ATG5: variants seen among roughly 807,000 people sequenced by gnomAD.
ATG5 encodes autophagy protein 5.
Under a neutral mutation model 36.5 loss-of-function variants are expected in ATG5, and 14 were observed. The observed-to-expected ratio is 0.38, with a 90% CI of 0.25 to 0.60. The LOEUF is 0.60. ATG5 is among the 20% of genes least tolerant of loss of function. The pLI is 0.60. For synonymous variants in ATG5, 95 were observed against 101.5 expected, an observed-to-expected ratio of 0.94 and a Z score of 0.38; for missense variants, 195 against 326.7, an observed-to-expected ratio of 0.60 and a Z score of 3.11.
chr6:106,238,518 G>A (rs62422879), intron 6 of ATG5, among the ~76,000 whole-genome samples: 3,230 of 152,280 alleles, frequency 0.021, 57 homozygotes, highest in Non-Finnish European at 0.03. Context: ...GCTCTCCTGA[G>A]CTAAGCAGCT....
At chr6:106,233,221 A>G (rs1211480077) in intron 6 of ATG5, among the ~76,000 whole-genome samples, 1 of 152,210 alleles carries the variant, frequency 6.6e-6, no homozygotes, top group Non-Finnish European at 1.5e-5. Flanking sequence ...CAGGGCCCTC[A>G]GTGCCTATTC....
rs145446102 is a variant in ATG5, at chr6:106,238,543, A to G, written c.573+9607T>C. Among the ~76,000 whole-genome samples, 1,249 of 152,274 alleles carry G rather than the reference A, an allele frequency of 8.2e-3. 13 individuals carry two copies. The highest frequency in any genetic ancestry group is 0.028 in the African/African-American group (1,159 of 41,548). On this transcript the variant is annotated intron_variant, in intron 6 of 7. Coordinates refer to ENST00000369076, the MANE Select transcript of ATG5 (RefSeq NM_004849.4). ...GCTAAGCAGCTCCTGGGGTTGGGGA[A>G]GGGTGTACATGGAGAAAGCTAGAAC...
At chr6:106,297,933 G>A (rs960636698) in intron 3 of ATG5, among the ~76,000 whole-genome samples, 3 of 150,306 alleles carry the variant, frequency 2.0e-5, no homozygotes, top group African/African-American at 7.3e-5. Context: ...GGCATGATCT[G>A]TACTCAACAG....
intron 6 of ATG5, among the ~76,000 whole-genome samples, chr6:106,234,377 G>C (rs890644413): frequency 6.6e-6 from 1 of 152,100 alleles, no homozygotes; most frequent in Non-Finnish European, 1.5e-5. Context: ...CCCTGTACCT[G>C]AACAATGGAA....
chr6:106,324,261 T>A (rs147978424), intron 1 of ATG5, among the ~76,000 whole-genome samples: 35 of 152,306 alleles, frequency 2.3e-4, no homozygotes, highest in African/African-American at 8.2e-4. Context: ...CAATACACCA[T>A]AACAACTATT....
At chr6:106,318,534 A>T (rs893675558) in intron 1 of ATG5, among the ~76,000 whole-genome samples, 1 of 152,226 alleles carries the variant, frequency 6.6e-6, no homozygotes, top group Non-Finnish European at 1.5e-5. Context: ...CCAAAGTTCT[A>T]CAGTAGGATT....
chr6:106,311,375 C>A (rs923431555), intron 2 of ATG5, among the ~76,000 whole-genome samples: 16 of 152,146 alleles, frequency 1.1e-4, no homozygotes, highest in Non-Finnish European at 2.2e-4. Context: ...TTGAGTTTCA[C>A]GGGAGGCCTT....
chr6:106,297,084 T>C (rs770108738), intron 3 of ATG5, among the ~76,000 whole-genome samples: 2 of 152,198 alleles, frequency 1.3e-5, no homozygotes, highest in Non-Finnish European at 2.9e-5. Flanking sequence ...AAATTTTCCA[T>C]AGCTCAAGAA....
chr6:106,318,094 T>A (rs893022584), intron 1 of ATG5, among the ~76,000 whole-genome samples: 1 of 152,204 alleles, frequency 6.6e-6, no homozygotes, highest in South Asian at 2.1e-4. Flanking sequence ...ATATTGTCAC[T>A]ATTGATATTA....
Position 106,248,138 on chromosome 6 carries a change from G to A in ATG5, c.573+12C>T. On this transcript the variant is annotated intron_variant, in intron 6 of 7. Transcript: ENST00000369076. ...TTCATAAATGGATGTTTTTTAAAAT[G>A]TTATTTCCTACCTGATATATTCTAA... 1 of 1,560,278 alleles carries A rather than the reference G, an allele frequency of 6.4e-7. No individual in the cohort carries two copies. Among genetic ancestry groups the A allele is most frequent in the Non-Finnish European group, 8.8e-7 (1 of 1,131,762 alleles).
chr6:106,206,512 T>C (rs577285647), intron 6 of ATG5, among the ~76,000 whole-genome samples: 18 of 152,180 alleles, frequency 1.2e-4, no homozygotes, highest in Admixed American at 5.2e-4. Context: ...TAGCTGGGCA[T>C]AGTTGTGGGC....
intron 6 of ATG5, among the ~76,000 whole-genome samples, chr6:106,243,903 C>CA (rs1778227467): frequency 9.6e-6 from 1 of 103,732 alleles, no homozygotes; most frequent in Non-Finnish European, 1.8e-5. Flanking sequence ...TAGGAACCAT[C>CA]CTTTTTTTTT....
At chr6:106,215,106 G>A (rs2114405812) in intron 6 of ATG5, among the ~76,000 whole-genome samples, 1 of 152,220 alleles carries the variant, frequency 6.6e-6, no homozygotes, top group Non-Finnish European at 1.5e-5. Context: ...AAGAATCAAA[G>A]GGCACTTCTG....
intron 6 of ATG5, among the ~76,000 whole-genome samples, chr6:106,244,263 C>T (rs748527557): frequency 6.6e-6 from 1 of 152,068 alleles, no homozygotes; most frequent in African/African-American, 2.4e-5. Flanking sequence ...TTAAGAATAA[C>T]ATGTAGAACA....
chr6:106,266,654 C>T (rs1450429571), intron 5 of ATG5, among the ~76,000 whole-genome samples: 1 of 152,156 alleles, frequency 6.6e-6, no homozygotes, highest in Non-Finnish European at 1.5e-5. Context: ...TTATCCACCA[C>T]GATCATGTTG....
At chr6:106,217,075 T>G (rs1197276727) in intron 6 of ATG5, among the ~76,000 whole-genome samples, 7 of 152,144 alleles carry the variant, frequency 4.6e-5, no homozygotes, top group Non-Finnish European at 7.4e-5. Context: ...GTTTTATGCA[T>G]TTTGTGGGTT....
At chr6:106,269,362 G>C (rs1364818596) in intron 5 of ATG5, among the ~76,000 whole-genome samples, 2 of 151,740 alleles carry the variant, frequency 1.3e-5, no homozygotes, top group African/African-American at 2.4e-5. Context: ...TGGCTTCACC[G>C]GGGCTGCTGG....
chr6:106,297,292 A>G (rs1769995983), intron 3 of ATG5, among the ~76,000 whole-genome samples: 1 of 152,220 alleles, frequency 6.6e-6, no homozygotes, highest in Non-Finnish European at 1.5e-5. Flanking sequence ...TAGTAGGCAA[A>G]TGCAAAAGTT....
At chr6:106,227,302 T>G (rs966205272) in intron 6 of ATG5, among the ~76,000 whole-genome samples, 1 of 152,110 alleles carries the variant, frequency 6.6e-6, no homozygotes, top group African/African-American at 2.4e-5. Context: ...CTGAAAGAAG[T>G]AGAATGTCTG....
Sources: allele counts gnomAD v4.1 joint callset (sites outside exome capture counted in the v4.1 genomes callset), GRCh38; gene constraint gnomAD v4.1.1; transcripts MANE v1.5; gene names NCBI Gene and HGNC (gene_info 2026-07-23, HGNC 2026-07-21).